PRKDC: variants seen among roughly 807,000 people sequenced by gnomAD.
PRKDC encodes protein kinase, DNA-activated, catalytic subunit.
Under a neutral mutation model 486.9 loss-of-function variants are expected in PRKDC, and 82 were observed. The ratio of observed to expected loss-of-function variants is 0.17; its 90% CI spans 0.14 to 0.20. The LOEUF (loss-of-function observed/expected upper bound fraction) is 0.20. Ranked by LOEUF, PRKDC falls within the 10% of genes least tolerant of loss-of-function variation. The probability of loss-of-function intolerance (pLI) is 1.00; values close to 1 mark genes in which losing one functional copy is unlikely to be tolerated. For synonymous variants in PRKDC, 1,895 were observed against 1,837.0 expected, an observed-to-expected ratio of 1.03 and a Z score of -0.81; for missense variants, 4,504 against 5,038.2, an observed-to-expected ratio of 0.89 and a Z score of 3.21.
chr8:47,779,000 T>G lies in PRKDC; in HGVS notation c.11579+4A>C. 6.4e-7 allele frequency: 1 copy of G among 1,570,298 alleles called. No individual in the cohort carries two copies. The highest frequency in any genetic ancestry group is 8.6e-7 in the Non-Finnish European group (1 of 1,159,904). Reference sequence around the variant, plus strand: ...ATACAAAGAAAAATCAAAACCAAACTTACTTATACATTAGCATGTAAGCTC... The same window carrying G: ...ATACAAAGAAAAATCAAAACCAAACGTACTTATACATTAGCATGTAAGCTC... On this transcript the variant is annotated splice_donor_region_variant and intron_variant, in intron 81 of 85. Transcript: ENST00000314191.
chr8:47,953,994 GAAAAT>G (rs777990252), intron 5 of PRKDC, 75 bp from the exon 6 acceptor site: 117 of 781,366 alleles, frequency 1.5e-4, no homozygotes, highest in African/African-American at 1.0e-3. Flanking sequence ...AATGTATGAA[GAAAAT>G]AAAATAAAAT....
At position 47,854,460 on chromosome 8, in the gene PRKDC, T is replaced by C. The variant is rs1332538322; in HGVS notation, c.6762-246A>G. ...TTCACGCCATTCTCCTGCCTCAGCC[T>C]CCCAAGCAGCTGGGACTACAGACGC... On this transcript the variant is annotated intron_variant, in intron 50 of 85. Coordinates refer to ENST00000314191, the MANE Select transcript of PRKDC (RefSeq NM_006904.7). Among the ~76,000 whole-genome samples, 4 of 152,188 alleles carry C rather than the reference T, an allele frequency of 2.6e-5. No homozygotes were observed. In the East Asian group the frequency reaches 7.8e-4, roughly 30 times the overall value.
chr8:47,935,974 A>C, intron 12 of PRKDC, 74 bp from the exon 13 acceptor site: 1 of 1,362,856 alleles, frequency 7.3e-7, no homozygotes, highest in Non-Finnish European at 1.0e-6. Flanking sequence ...AAATATTCAA[A>C]GTAATTACAA....
intron 40 of PRKDC, among the ~76,000 whole-genome samples, chr8:47,876,845 A>C (rs1287293137): frequency 6.6e-6 from 1 of 152,194 alleles, no homozygotes; most frequent in Non-Finnish European, 1.5e-5. Context: ...GCAACTCTTA[A>C]TGAAATAAGT....
intron 21 of PRKDC, among the ~76,000 whole-genome samples, chr8:47,925,721 C>CT (rs1320118267): frequency 1.3e-5 from 2 of 152,166 alleles, no homozygotes; most frequent in Non-Finnish European, 2.9e-5. Context: ...ACACCTTCGG[C>CT]TTATTCACAA....
intron 10 of PRKDC, 200 bp from the exon 11 acceptor site, chr8:47,939,897 T>C (rs1563814365): frequency 5.7e-6 from 2 of 351,322 alleles, no homozygotes; most frequent in Non-Finnish European, 1.0e-5. Context: ...TAAGGCTATG[T>C]GATACATTTT....
rs2089946635 is a variant in PRKDC at position 47,913,891 on chromosome 8, A to G, written c.2781+10T>C. The G allele has an allele frequency of 1.3e-6, 2 of 1,590,100 alleles. No homozygotes were observed. The highest frequency in any genetic ancestry group is 1.8e-5 in the Admixed American group (1 of 55,462). On this transcript the variant is annotated intron_variant, in intron 24 of 85. Transcript: ENST00000314191. The stretch of plus-strand genomic sequence containing the variant: ...ATCTAAATAATGGGTGAAATGAAAA[A>G]TAGAAGTACTTTAGTTTGTCTGTCA...
At chr8:47,908,640 G>A (rs1371551350) in intron 25 of PRKDC, among the ~76,000 whole-genome samples, 2 of 152,152 alleles carry the variant, frequency 1.3e-5, no homozygotes, top group Non-Finnish European at 2.9e-5. Context: ...GTCAAGATGT[G>A]TTATTATAAA....
Position 47,819,502 on chromosome 8 carries a change from A to G in PRKDC, c.9345T>C (p.Ser3115=), listed in dbSNP as rs764031635. 2.5e-6 allele frequency: 3 copies of G among 1,213,354 alleles called. No homozygotes were observed. The highest frequency in any genetic ancestry group is 5.2e-5 in the East Asian group (2 of 38,450). The allele number at this position is 1,213,354 out of a possible 1,614,324, so 75.2% of individuals were successfully genotyped here. A position where few individuals can be genotyped will look rare whatever the true frequency, so the allele number is the denominator to read the frequency against. ...NGIQSFMQNY[S]SIDVLLHQSR... ...TTTGGTGTAAGAGGACATCAATACT[A>G]GAATAATTCTTAAAAAAAAAAAAAA... is the stretch of plus-strand genomic sequence containing the variant. Residue 3115 remains serine, a synonymous_variant, in exon 67 of 86, where the codon TCT becomes TCC. Coordinates refer to ENST00000314191, the MANE Select transcript of PRKDC (RefSeq NM_006904.7).
Position 47,800,990 on chromosome 8 carries a change from T to A in PRKDC, c.9923-4A>T, listed in dbSNP as rs2087096022. 1 of 1,612,806 alleles carries A rather than the reference T, an allele frequency of 6.2e-7. No homozygotes were observed. The highest frequency in any genetic ancestry group is 8.5e-7 in the Non-Finnish European group (1 of 1,179,520). On this transcript the variant is annotated splice_polypyrimidine_tract_variant and splice_region_variant and intron_variant, in intron 70 of 85. Transcript: ENST00000314191. The stretch of plus-strand genomic sequence containing the variant: ...TAGCTTGACACGTTGTTCTCATCTG[T>A]TGGATTAAAAAAACAAAACAAAACA...
In PRKDC at chr8:47,828,159, A is replaced by G. The variant is rs2087779407; in HGVS notation, c.8577+9T>C. The stretch of plus-strand genomic sequence containing the variant: ...AATGTATATTTGATGAAGTGTGTGC[A>G]GACTTTACCTGAATACAAGAGACAA... On this transcript the variant is annotated intron_variant, in intron 62 of 85. Coordinates refer to ENST00000314191, the MANE Select transcript of PRKDC (RefSeq NM_006904.7). 1.2e-6 allele frequency: 2 copies of G among 1,610,032 alleles called. No homozygotes were observed. Among genetic ancestry groups the G allele is most frequent in the Non-Finnish European group, 1.7e-6 (2 of 1,177,238 alleles).
At chr8:47,863,138 G>A (rs567883729) in intron 42 of PRKDC, among the ~76,000 whole-genome samples, 1 of 152,054 alleles carries the variant, frequency 6.6e-6, no homozygotes, top group Non-Finnish European at 1.5e-5. Context: ...AGCTATTCAA[G>A]GGGAAAAACA....
At chr8:47,869,865 A>C (rs907062537) in intron 40 of PRKDC, among the ~76,000 whole-genome samples, 5 of 152,110 alleles carry the variant, frequency 3.3e-5, no homozygotes, top group African/African-American at 1.2e-4. Flanking sequence ...AGAGCCCTTG[A>C]GCCTTGAGTG....
Position 47,778,988 on chromosome 8 carries a change from TC to T in PRKDC, c.11579+15del. Reference sequence around the variant, plus strand: ...ATGAACTAACTAATACAAAGAAAAATCAAAACCAAACTTACTTATACATTAG... The same window carrying T: ...ATGAACTAACTAATACAAAGAAAAATAAAACCAAACTTACTTATACATTAG... On this transcript the variant is annotated intron_variant, in intron 81 of 85. Transcript: ENST00000314191. 1.3e-6 allele frequency: 2 copies of T among 1,556,430 alleles called. No individual in the cohort carries two copies. The highest frequency in any genetic ancestry group is 2.4e-5 in the South Asian group (2 of 81,888).
chr8:47,881,338 AAAT>A, intron 38 of PRKDC, 75 bp downstream of exon 38: 1 of 924,122 alleles, frequency 1.1e-6, no homozygotes, highest in Non-Finnish European at 1.7e-6. Context: ...CCATAATAAA[AAAT>A]AAAAAACATC....
At chr8:47,883,869 C>T (rs1403816980) in intron 36 of PRKDC, among the ~76,000 whole-genome samples, 5 of 152,260 alleles carry the variant, frequency 3.3e-5, no homozygotes, top group Admixed American at 6.5e-5. Flanking sequence ...GCCTGAGCCC[C>T]TGGGCTGCCG....
At position 47,879,586 on chromosome 8, in the gene PRKDC, G is replaced by A. The variant is rs776713047; in HGVS notation, c.5140C>T (p.Leu1714=). The A allele has an allele frequency of 6.3e-7, 1 of 1,596,544 alleles. No homozygotes were observed. Among genetic ancestry groups the A allele is most frequent in the Non-Finnish European group, 8.5e-7 (1 of 1,171,592 alleles). The stretch of plus-strand genomic sequence containing the variant: ...AAGTGAGCAACGATGAGCTGCTCCA[G>A]AACACGTCTAAGTTCCTCCAGACTG... ...GGSLEELRRV[L]EQLIVAHFPM... The change falls in exon 39 of 86, where the codon CTG becomes TTG. Residue 1714 remains leucine (L), a synonymous_variant. Coordinates refer to ENST00000314191, the MANE Select transcript of PRKDC (RefSeq NM_006904.7).
At chr8:47,918,444 T>G (rs1408017986) in intron 21 of PRKDC, 61 bp from the exon 22 acceptor site, 3 of 929,022 alleles carry the variant, frequency 3.2e-6, no homozygotes, top group Non-Finnish European at 4.6e-6. Flanking sequence ...TAATGTACAT[T>G]AGAGGCAACA....
chr8:47,845,645 G>A (rs1309031867), intron 54 of PRKDC, among the ~76,000 whole-genome samples: 1 of 150,714 alleles, frequency 6.6e-6, no homozygotes, highest in African/African-American at 2.4e-5. Context: ...AGACCAATCA[G>A]GAGCTCCTAA....
Sources: gnomAD v4.1 joint callset for allele counts (sites outside exome capture counted in the v4.1 genomes callset) on GRCh38, gnomAD v4.1.1 for gene constraint, MANE v1.5 for transcripts, NCBI Gene and HGNC (gene_info 2026-07-23, HGNC 2026-07-21) for gene names.